SCIN: variants seen among roughly 807,000 people sequenced by gnomAD.
The protein encoded by SCIN is adseverin.
SCIN carries 91 observed loss-of-function variants against 91.8 expected under a neutral mutation model. The ratio of observed to expected loss-of-function variants is 0.99; its 90% CI spans 0.84 to 1.18. The LOEUF (loss-of-function observed/expected upper bound fraction) is 1.18. SCIN is among the 50% of genes most tolerant of loss of function. SCIN has a pLI of 0.00. For missense variants in SCIN, 1,087 were observed against 863.9 expected (o/e 1.26, Z -3.24); for synonymous variants, 367 against 312.6 (o/e 1.17, Z -1.84).
intron 5 of SCIN, among the ~76,000 whole-genome samples, chr7:12,624,733 G>A (rs891096108): frequency 2.0e-5 from 3 of 152,154 alleles, no homozygotes; most frequent in African/African-American, 7.2e-5. Context: ...TTTAGGCACA[G>A]TGTCAAAACT....
At chr7:12,600,139 T>C (rs1446556215) in intron 3 of SCIN, among the ~76,000 whole-genome samples, 2 of 152,226 alleles carry the variant, frequency 1.3e-5, no homozygotes, top group Non-Finnish European at 2.9e-5. Context: ...ATCTTTATGG[T>C]TTCAGGTCTT....
intron 13 of SCIN, among the ~76,000 whole-genome samples, chr7:12,647,275 G>T (rs530973618): frequency 4.6e-5 from 7 of 152,274 alleles, no homozygotes; most frequent in African/African-American, 1.4e-4. Context: ...TTTCTTGTTT[G>T]ATATTTGGAA....
chr7:12,634,404 G>C (rs907877144), intron 9 of SCIN, among the ~76,000 whole-genome samples: 2 of 151,562 alleles, frequency 1.3e-5, no homozygotes, highest in African/African-American at 4.9e-5. Flanking sequence ...AGAATCACTT[G>C]AACCCAGGAG....
chr7:12,602,843 A>T (rs1782985852), intron 3 of SCIN, among the ~76,000 whole-genome samples: 1 of 152,334 alleles, frequency 6.6e-6, no homozygotes, highest in Non-Finnish European at 1.5e-5. Context: ...TGTGTTTTAC[A>T]ATCAATTTGT....
chr7:12,577,848 C>T, intron 1 of SCIN: 1 of 452,804 alleles, frequency 2.2e-6, no homozygotes, highest in Non-Finnish European at 3.8e-6. Flanking sequence ...AGAGCAACAC[C>T]CTCTCTCAAA....
At chr7:12,626,954 A>T (rs147778611) in intron 8 of SCIN, among the ~76,000 whole-genome samples, 155 bp downstream of exon 8, 2 of 152,104 alleles carry the variant, frequency 1.3e-5, no homozygotes, top group East Asian at 3.9e-4. Flanking sequence ...GCCAGGTGTG[A>T]TGGAGCTCGC....
At chr7:12,628,724 A>G (rs963492469) in intron 8 of SCIN, among the ~76,000 whole-genome samples, 1 of 152,154 alleles carries the variant, frequency 6.6e-6, no homozygotes. Context: ...AAAAATATAT[A>G]TATATGTTAT....
At chr7:12,624,521 G>C (rs1783472682) in intron 5 of SCIN, among the ~76,000 whole-genome samples, 1 of 152,160 alleles carries the variant, frequency 6.6e-6, no homozygotes, top group African/African-American at 2.4e-5. Flanking sequence ...ACTGGTATAT[G>C]GTAGACAGTA....
intron 11 of SCIN, among the ~76,000 whole-genome samples, chr7:12,641,148 G>T (rs1783850417): frequency 6.6e-6 from 1 of 152,104 alleles, no homozygotes; most frequent in South Asian, 2.1e-4. Flanking sequence ...CCCTTACGCT[G>T]CCTGGCATGC....
At chr7:12,614,363 C>G (rs1783257160) in intron 4 of SCIN, among the ~76,000 whole-genome samples, 2 of 152,158 alleles carry the variant, frequency 1.3e-5, no homozygotes, top group Non-Finnish European at 2.9e-5. Context: ...AACTACTACC[C>G]TGACAAACAT....
chr7:12,620,311 T>C (rs2115268034), intron 4 of SCIN, among the ~76,000 whole-genome samples: 1 of 152,280 alleles, frequency 6.6e-6, no homozygotes, highest in East Asian at 1.9e-4. Context: ...TTATTTATCT[T>C]ATACCTGAAA....
At chr7:12,581,003 G>A in intron 2 of SCIN, 57 bp from the exon 3 acceptor site, 1 of 1,519,720 alleles carries the variant, frequency 6.6e-7, no homozygotes, top group Non-Finnish European at 8.9e-7. Context: ...TGTCTAGGCA[G>A]ACACCTCATC....
At chr7:12,645,917 T>G (rs1783957723) in intron 13 of SCIN, among the ~76,000 whole-genome samples, 1 of 152,250 alleles carries the variant, frequency 6.6e-6, no homozygotes, top group Non-Finnish European at 1.5e-5. Context: ...CTAGATGTGT[T>G]AATTTAATAA....
At chr7:12,592,096 T>G (rs1027533135) in intron 3 of SCIN, among the ~76,000 whole-genome samples, 1 of 151,824 alleles carries the variant, frequency 6.6e-6, no homozygotes, top group Non-Finnish European at 1.5e-5. Flanking sequence ...TCCATGTGAG[T>G]TGTTGTGACT....
At chr7:12,600,136 T>A (rs1047720040) in intron 3 of SCIN, among the ~76,000 whole-genome samples, 3 of 152,234 alleles carry the variant, frequency 2.0e-5, no homozygotes, top group Non-Finnish European at 4.4e-5. Flanking sequence ...AGAATCTTTA[T>A]GGTTTCAGGT....
At chr7:12,591,018 A>G (rs891953445) in intron 3 of SCIN, among the ~76,000 whole-genome samples, 4 of 152,128 alleles carry the variant, frequency 2.6e-5, no homozygotes, top group African/African-American at 9.7e-5. Context: ...AAACAACTGC[A>G]TATCCAGCAA....
intron 1 of SCIN, among the ~76,000 whole-genome samples, chr7:12,573,433 T>C (rs1030791028): frequency 6.6e-6 from 1 of 151,254 alleles, no homozygotes; most frequent in African/African-American, 2.4e-5. Flanking sequence ...AGCAGGAGAG[T>C]CGTCTTTCTT....
intron 13 of SCIN, among the ~76,000 whole-genome samples, chr7:12,646,782 C>T (rs1357351566): frequency 6.6e-6 from 1 of 151,968 alleles, no homozygotes; most frequent in Non-Finnish European, 1.5e-5. Flanking sequence ...GAAAATTTCC[C>T]ACGTATTTTG....
In SCIN at chr7:12,657,549, TATATATATATATATATATA is replaced by T. The variant is rs1784184638; in HGVS notation, c.*4835_*4853del. 5.2e-5 allele frequency: 1 copy of T among 19,122 alleles called. No individual in the cohort carries two copies. Among genetic ancestry groups the T allele is most frequent in the Non-Finnish European group, 1.3e-4 (1 of 7,630 alleles). 1.2% of individuals were successfully genotyped at this position (19,122 alleles called of 1,614,324 possible). On this transcript the variant is annotated 3_prime_UTR_variant, in exon 16 of 16. Coordinates refer to ENST00000297029, the MANE Select transcript of SCIN (RefSeq NM_001112706.3). ...TTATATATGTGTGTGTATATATATA[TATATATATATATATATATA>T]TATATTTTTTTTTTTTTTTTTTTTT...
Sources: gnomAD v4.1 joint callset for allele counts (sites outside exome capture counted in the v4.1 genomes callset) on GRCh38, gnomAD v4.1.1 for gene constraint, MANE v1.5 for transcripts, NCBI Gene and HGNC (gene_info 2026-07-23, HGNC 2026-07-21) for gene names.